The following SLCO3A1 variants were observed in gnomAD, a reference collection of about 807,000 sequenced individuals.
SLCO3A1 encodes PGE1 transporter.
A neutral mutation model predicts 63.1 loss-of-function variants in SLCO3A1; 27 were observed. That is an observed-to-expected ratio of 0.43 (90% confidence interval 0.32 to 0.59). The LOEUF is 0.59. SLCO3A1 is among the 20% of genes least tolerant of loss of function. The probability of loss-of-function intolerance (pLI) is 0.09; values close to 1 mark genes in which losing one functional copy is unlikely to be tolerated. For missense variants in SLCO3A1, 773 were observed against 945.8 expected, an observed-to-expected ratio of 0.82 and a Z score of 2.40; for synonymous variants, 473 against 409.9, an observed-to-expected ratio of 1.15 and a Z score of -1.86.
At position 92,034,200 on chromosome 15, in the gene SLCO3A1, G is replaced by A. The variant is rs1237950654; in HGVS notation, c.647-60681G>A. 2.6e-5 allele frequency among the ~76,000 whole-genome samples: 4 copies of A among 151,540 alleles called. No individual in the cohort carries two copies. In the East Asian group the frequency reaches 7.7e-4, roughly 29 times the overall value. On this transcript the variant is annotated intron_variant, in intron 2 of 9. Transcript: ENST00000318445. Reference sequence around the variant, plus strand: ...GGGATCCTGGAGACTTGGGGCCGGGGATAGCACAGATGCCTCCTAAAGGAA... The same window carrying A: ...GGGATCCTGGAGACTTGGGGCCGGGAATAGCACAGATGCCTCCTAAAGGAA...
chr15:91,940,610 C>T (rs990862965), intron 2 of SLCO3A1, among the ~76,000 whole-genome samples: 1 of 152,214 alleles, frequency 6.6e-6, no homozygotes. Flanking sequence ...CACCACTCAT[C>T]TGGCACCCTC....
At chr15:92,045,940 C>T (rs2046856760) in intron 2 of SLCO3A1, among the ~76,000 whole-genome samples, 1 of 152,166 alleles carries the variant, frequency 6.6e-6, no homozygotes, top group Non-Finnish European at 1.5e-5. Context: ...GCTCTGTCCT[C>T]TCGTGATGGT....
intron 2 of SLCO3A1, among the ~76,000 whole-genome samples, chr15:91,980,193 AG>A: frequency 6.6e-6 from 1 of 152,076 alleles, no homozygotes; most frequent in African/African-American, 2.4e-5. Flanking sequence ...CACATTTCTC[AG>A]GGGTTGGTGT....
chr15:92,100,123 C>G (rs1349489448), intron 3 of SLCO3A1, among the ~76,000 whole-genome samples: 2 of 151,968 alleles, frequency 1.3e-5, no homozygotes, highest in African/African-American at 4.8e-5. Flanking sequence ...GGAGAAACAC[C>G]TTCTATGCCT....
chr15:92,016,360 T>G (rs919690276), intron 2 of SLCO3A1, among the ~76,000 whole-genome samples: 1 of 152,152 alleles, frequency 6.6e-6, no homozygotes, highest in African/African-American at 2.4e-5. Flanking sequence ...AGATGAGATC[T>G]CACTGTGTTT....
chr15:92,090,946 G>A (rs1020900252), intron 2 of SLCO3A1, among the ~76,000 whole-genome samples: 1 of 152,212 alleles, frequency 6.6e-6, no homozygotes, highest in Non-Finnish European at 1.5e-5. Flanking sequence ...AGGCATGGGA[G>A]GTTAAATGTA....
chr15:91,941,430 C>A lies in SLCO3A1; in HGVS notation c.646+24972C>A. ...GTGTCACGGGAGTGGCGCTGTCACT[C>A]GTTGAGGTGGTGGCCTGGTTCCTTT... On this transcript the variant is annotated intron_variant, in intron 2 of 9. Coordinates refer to ENST00000318445, the MANE Select transcript of SLCO3A1 (RefSeq NM_013272.4). This position sits in a 1 kb window ranked among gnomAD's most constrained non-coding sequence, Gnocchi z 4.4. 2.4e-6 allele frequency: 1 copy of A among 422,332 alleles called. No homozygotes were observed. The highest frequency in any genetic ancestry group is 4.7e-6 in the Non-Finnish European group (1 of 211,328). The allele number at this position is 422,332 out of a possible 1,614,324, so 26.2% of individuals were successfully genotyped here. A position where few individuals can be genotyped will look rare whatever the true frequency, so the allele number is the denominator to read the frequency against.
chr15:91,981,381 G>A (rs925131103), intron 2 of SLCO3A1, among the ~76,000 whole-genome samples: 18 of 152,114 alleles, frequency 1.2e-4, no homozygotes, highest in Admixed American at 7.2e-4. Context: ...GAATCCGCGC[G>A]TATCTCATCT....
chr15:92,164,783 C>G lies in SLCO3A1; in HGVS notation c.*1648C>G, dbSNP rs925446259. Reference sequence around the variant, plus strand: ...CTGTTATGATTTGGGGTAAGAATCACGTTGGAAAACCTCTCGCAACCAGCA... The same window carrying G: ...CTGTTATGATTTGGGGTAAGAATCAGGTTGGAAAACCTCTCGCAACCAGCA... On this transcript the variant is annotated 3_prime_UTR_variant, in exon 10 of 10. Transcript: ENST00000318445. 6 of 985,360 alleles carry G rather than the reference C, an allele frequency of 6.1e-6. No homozygotes were observed. Among genetic ancestry groups the G allele is most frequent in the Non-Finnish European group, 7.2e-6 (6 of 829,936 alleles). 61.0% of individuals were successfully genotyped at this position (985,360 alleles called of 1,614,324 possible).
intron 4 of SLCO3A1, among the ~76,000 whole-genome samples, chr15:92,114,732 G>A (rs1462006934): frequency 1.3e-5 from 2 of 152,210 alleles, no homozygotes; most frequent in East Asian, 3.9e-4. Flanking sequence ...GTGTTGGGAA[G>A]CTCCTCATGG....
At chr15:92,072,907 G>C (rs1040354402) in intron 2 of SLCO3A1, among the ~76,000 whole-genome samples, 2 of 152,126 alleles carry the variant, frequency 1.3e-5, no homozygotes, top group African/African-American at 4.8e-5. Context: ...CCAGGACATA[G>C]ACATATTTTT....
chr15:91,877,077 G>T (rs1232906944), intron 1 of SLCO3A1, among the ~76,000 whole-genome samples: 1 of 152,172 alleles, frequency 6.6e-6, no homozygotes, highest in African/African-American at 2.4e-5. Context: ...TCTATTATGT[G>T]CAACTTATGT....
At chr15:92,086,757 C>A (rs2047409352) in intron 2 of SLCO3A1, among the ~76,000 whole-genome samples, 1 of 152,100 alleles carries the variant, frequency 6.6e-6, no homozygotes, top group African/African-American at 2.4e-5. Flanking sequence ...GGGTGGATCA[C>A]CTGAGGTCAA....
chr15:91,899,135 A>G (rs1238560822), intron 1 of SLCO3A1, among the ~76,000 whole-genome samples: 2 of 152,202 alleles, frequency 1.3e-5, no homozygotes, highest in Non-Finnish European at 2.9e-5. Context: ...GGGTTCTGCA[A>G]ATGTACCCCA....
At chr15:92,146,659 TATC>T (rs1293971745) in intron 7 of SLCO3A1, among the ~76,000 whole-genome samples, 3 of 152,246 alleles carry the variant, frequency 2.0e-5, no homozygotes, top group African/African-American at 4.8e-5. Flanking sequence ...GGCAACGTTT[TATC>T]ATATTGTGGA....
At chr15:91,974,713 C>T (rs1166736805) in intron 2 of SLCO3A1, among the ~76,000 whole-genome samples, 1 of 152,158 alleles carries the variant, frequency 6.6e-6, no homozygotes, top group African/African-American at 2.4e-5. Context: ...GGGAAAATCT[C>T]TCCGAAAGAG....
intron 2 of SLCO3A1, among the ~76,000 whole-genome samples, chr15:92,049,788 C>G (rs149399057): frequency 1.8e-3 from 270 of 152,264 alleles, no homozygotes; most frequent in Non-Finnish European, 3.4e-3. Context: ...TTCAGGAAGA[C>G]ATCTGGGAGG....
At chr15:91,984,952 A>T (rs1164291140) in intron 2 of SLCO3A1, among the ~76,000 whole-genome samples, 1 of 151,658 alleles carries the variant, frequency 6.6e-6, no homozygotes, top group Non-Finnish European at 1.5e-5. Context: ...TTTAAGTGAA[A>T]TTTTTTCTTA....
intron 1 of SLCO3A1, among the ~76,000 whole-genome samples, chr15:91,857,031 TG>T (rs1212632067): frequency 3.6e-5 from 1 of 27,580 alleles, no homozygotes; most frequent in Non-Finnish European, 5.8e-5. Context: ...GGAGGACTCG[TG>T]TGTGTGTGTG....
Sources: gnomAD v4.1 joint callset for allele counts (sites outside exome capture counted in the v4.1 genomes callset) on GRCh38, gnomAD v4.1.1 for gene constraint, Gnocchi (gnomAD v3.1) non-coding constraint, MANE v1.5 for transcripts, NCBI Gene and HGNC (gene_info 2026-07-23, HGNC 2026-07-21) for gene names.